CWC25: variants seen among roughly 807,000 people sequenced by gnomAD.
The protein encoded by CWC25 is CWC25 spliceosome associated protein, also known as pre-mRNA-splicing factor CWC25 homolog.
Under a neutral mutation model 54.6 loss-of-function variants are expected in CWC25, and 31 were observed. The observed-to-expected ratio is 0.57, with a 90% CI of 0.43 to 0.77. CWC25 has a LOEUF of 0.77. Ranked by LOEUF, CWC25 falls within the 30% of genes least tolerant of loss-of-function variation. The pLI is 0.00. For synonymous variants in CWC25, 151 were observed against 187.0 expected (o/e 0.81, Z 1.57); for missense variants, 453 against 529.3 (o/e 0.86, Z 1.41).
At chr17:38,813,111 C>T (rs962214942) in intron 3 of CWC25, among the ~76,000 whole-genome samples, 14 of 151,660 alleles carry the variant, frequency 9.2e-5, no homozygotes, top group East Asian at 1.9e-4. Context: ...CGTGCCACTG[C>T]ACTCCAGCCT....
In CWC25 at chr17:38,806,943, C is replaced by G. The variant is rs1270491265; in HGVS notation, c.724G>C (p.Gly242Arg). Reference sequence around the variant, plus strand: ...CTCTTTTGCTCTGCTGTCAGAGGACCCTGAAGACCCTGGTTACGGTCAGAG... The same window carrying G: ...CTCTTTTGCTCTGCTGTCAGAGGACGCTGAAGACCCTGGTTACGGTCAGAG... ...RNSDRNQGLQ[G>R]PLTAEQKRGH... The change falls in exon 7 of 10, where the codon GGT becomes CGT. Residue 242 changes from glycine (G) to arginine (R), a missense_variant. Coordinates refer to ENST00000614790, the MANE Select transcript of CWC25 (RefSeq NM_017748.5). 3.7e-6 allele frequency: 6 copies of G among 1,613,558 alleles called. No homozygotes were observed. The South Asian group carries it at 6.6e-5, about 18-fold the overall frequency.
intron 1 of CWC25, among the ~76,000 whole-genome samples, chr17:38,823,182 C>G (rs1412954946): frequency 5.1e-5 from 6 of 117,524 alleles, no homozygotes; most frequent in African/African-American, 2.0e-4. Context: ...TTTTTTGAGA[C>G]GAGGTCTTGC....
In CWC25 at chr17:38,802,824, C is replaced by T; in HGVS notation, c.1039G>A (p.Glu347Lys). The T allele has an allele frequency of 6.2e-7, 1 of 1,614,020 alleles. No homozygotes were observed. The highest frequency in any genetic ancestry group is 8.5e-7 in the Non-Finnish European group (1 of 1,179,896). ...CTCCATTTGGCGTTTTCCATCATCT[C>T]TTGCCGTTTTCGCTCTAATTCCTCT... is the stretch of plus-strand genomic sequence containing the variant. Reference protein sequence around the residue: ...SAEELERKRQEMMENAKWREE... With the variant: ...SAEELERKRQKMMENAKWREE... The change falls in exon 9 of 10, where the codon GAG becomes AAG. Residue 347 changes from glutamate to lysine, a missense_variant. Transcript: ENST00000614790.
Position 38,820,944 on chromosome 17 carries a change from G to A in CWC25, c.148C>T (p.Arg50Trp), listed in dbSNP as rs73985024. 4 of 1,613,808 alleles carry A rather than the reference G, an allele frequency of 2.5e-6. No homozygotes were observed. Among genetic ancestry groups the A allele is most frequent in the East Asian group, 4.5e-5 (2 of 44,870 alleles). ...LQRELREERA[R>W]EEMQRYAEDV... ...TCCGCATAGCGCTGCATCTCTTCCC[G>A]GGCTCTCTCTTCTCGCAGCTCCCGC... is the stretch of plus-strand genomic sequence containing the variant. The change falls in exon 2 of 10, where the codon CGG (arginine) becomes TGG (tryptophan). Residue 50 changes from arginine (R) to tryptophan (W), a missense_variant. Transcript: ENST00000614790.
chr17:38,815,004 A>G lies in CWC25; in HGVS notation c.285T>C (p.Tyr95=). 2 of 1,613,876 alleles carry G rather than the reference A, an allele frequency of 1.2e-6. No individual in the cohort carries two copies. Among genetic ancestry groups the G allele is most frequent in the Non-Finnish European group, 1.7e-6 (2 of 1,179,888 alleles). ...CCTTCTCCTCCATCTTCTCAAAAAC[A>G]TATTTGTCAATGGGGCGCCCCAGCA... ...EYLLGRPIDK[Y]VFEKMEEKEA... The change falls in exon 3 of 10, where the codon TAT becomes TAC. Residue 95 remains tyrosine, a synonymous_variant. Coordinates refer to ENST00000614790, the MANE Select transcript of CWC25 (RefSeq NM_017748.5).
rs560953337 is a variant in CWC25 at position 38,819,602 on chromosome 17, C to T, written c.191+1299G>A. On this transcript the variant is annotated intron_variant, in intron 2 of 9. Coordinates refer to ENST00000614790, the MANE Select transcript of CWC25 (RefSeq NM_017748.5). Reference sequence around the variant, plus strand: ...GGCCAGGCTGGTCTCGAAATCCTGACGTCAGGTGATCCGCCCACCTCGGCC... The same window carrying T: ...GGCCAGGCTGGTCTCGAAATCCTGATGTCAGGTGATCCGCCCACCTCGGCC... 9.5e-4 allele frequency among the ~76,000 whole-genome samples: 143 copies of T among 151,178 alleles called. 1 individual carries two copies. The highest frequency in any genetic ancestry group is 3.0e-3 in the African/African-American group (124 of 41,190).
At chr17:38,819,362 GC>G (rs980815482) in intron 2 of CWC25, among the ~76,000 whole-genome samples, 3 of 146,976 alleles carry the variant, frequency 2.0e-5, no homozygotes, top group Admixed American at 2.0e-4. Flanking sequence ...ACCATGCCTG[GC>G]TAATTTTTGG....
At chr17:38,822,022 C>T (rs114581353) in intron 1 of CWC25, among the ~76,000 whole-genome samples, 7,792 of 151,974 alleles carry the variant, frequency 0.051, 689 homozygotes, top group African/African-American at 0.18. Flanking sequence ...CCCGCAGTGG[C>T]CTCCCAAACT....
At chr17:38,818,588 CAAAAAAAAA>C (rs56382375) in intron 2 of CWC25, among the ~76,000 whole-genome samples, 3 of 48,482 alleles carry the variant, frequency 6.2e-5, no homozygotes, top group African/African-American at 1.9e-4. Flanking sequence ...GACTCCATCT[CAAAAAAAAA>C]AAAAAAAAAA....
intron 3 of CWC25, among the ~76,000 whole-genome samples, chr17:38,814,479 G>A (rs555960800): frequency 1.5e-4 from 22 of 151,210 alleles, no homozygotes; most frequent in African/African-American, 4.4e-4. Flanking sequence ...GGTGGCTCAC[G>A]CCTGTAATCC....
chr17:38,820,908 C>T lies in CWC25; in HGVS notation c.184G>A (p.Ala62Thr). The stretch of plus-strand genomic sequence containing the variant: ...CCCCAGCTCCTCACTTACTTGACGG[C>T]CCCAACATCCTCCGCATAGCGCTGC... The part of the protein sequence containing the change: ...EMQRYAEDVG[A>T]VKKKEEKLDW... Residue 62 changes from alanine (A) to threonine (T), a missense_variant, in exon 2 of 10, where the codon GCC becomes ACC. Ala to Thr is a moderately conservative substitution (Grantham distance 58). Around this residue, in one of 2 missense-constraint regions of CWC25, gnomAD observed 444 missense variants for 499.2 expected, o/e 0.89. Coordinates refer to ENST00000614790, the MANE Select transcript of CWC25 (RefSeq NM_017748.5). 6.2e-7 allele frequency: 1 copy of T among 1,611,078 alleles called. No individual in the cohort carries two copies. Among genetic ancestry groups the T allele is most frequent in the Non-Finnish European group, 8.5e-7 (1 of 1,178,692 alleles).
At chr17:38,810,063 C>T (rs1911420960) in intron 5 of CWC25, among the ~76,000 whole-genome samples, 1 of 152,104 alleles carries the variant, frequency 6.6e-6, no homozygotes, top group Non-Finnish European at 1.5e-5. Context: ...GCGGAGCTGA[C>T]TGCTTCCACA....
chr17:38,812,436 T>C (rs1911528320), intron 4 of CWC25, among the ~76,000 whole-genome samples: 1 of 152,120 alleles, frequency 6.6e-6, no homozygotes, highest in South Asian at 2.1e-4. Flanking sequence ...ATAACCAACC[T>C]GACCAATATG....
intron 1 of CWC25, 33 bp from the exon 2 acceptor site, chr17:38,821,106 C>G: frequency 6.3e-7 from 1 of 1,595,246 alleles, no homozygotes; most frequent in Non-Finnish European, 8.5e-7. Flanking sequence ...GATGATAATT[C>G]GGGGGGTGAC....
chr17:38,814,762 A>C (rs1425206781), intron 3 of CWC25, 99 bp downstream of exon 3: 2 of 927,590 alleles, frequency 2.2e-6, no homozygotes, highest in Non-Finnish European at 3.2e-6. Context: ...AAAAAAAAAA[A>C]AAAAAGCGAA....
chr17:38,824,123 G>A (rs1038927158), intron 1 of CWC25, among the ~76,000 whole-genome samples: 2 of 152,202 alleles, frequency 1.3e-5, no homozygotes, highest in Admixed American at 1.3e-4. Context: ...CTGGGCAGGC[G>A]GCTAAGCTGA....
At chr17:38,822,189 G>C (rs1415828101) in intron 1 of CWC25, among the ~76,000 whole-genome samples, 1 of 151,992 alleles carries the variant, frequency 6.6e-6, no homozygotes, top group Non-Finnish European at 1.5e-5. Context: ...TCAGCCTCCT[G>C]AGTAGCTGGG....
chr17:38,818,897 A>T (rs1698785473), intron 2 of CWC25, among the ~76,000 whole-genome samples: 1 of 152,162 alleles, frequency 6.6e-6, no homozygotes, highest in African/African-American at 2.4e-5. Flanking sequence ...CAAATTTCTG[A>T]TAAATTGAGC....
intron 3 of CWC25, 35 bp from the exon 4 acceptor site, chr17:38,812,899 T>A (rs748044707): frequency 8.3e-7 from 1 of 1,208,240 alleles, no homozygotes; most frequent in South Asian, 1.3e-5. Flanking sequence ...CATGACTATT[T>A]CTTTTCTCCA....
Sources: gnomAD v4.1 joint callset for allele counts (sites outside exome capture counted in the v4.1 genomes callset) on GRCh38, gnomAD v4.1.1 for gene constraint, gnomAD v4.1.1 regional missense constraint, MANE v1.5 for transcripts, NCBI Gene and HGNC (gene_info 2026-07-23, HGNC 2026-07-21) for gene names.